MACROD2: variants seen among roughly 807,000 people sequenced by gnomAD.
The protein encoded by MACROD2 is ADP-ribose glycohydrolase MACROD2.
MACROD2 carries 36 observed loss-of-function variants against 70.4 expected under a neutral mutation model. The ratio of observed to expected loss-of-function variants is 0.51; its 90% CI spans 0.39 to 0.68. MACROD2 has a LOEUF of 0.68. MACROD2 is among the 30% of genes least tolerant of loss of function. The pLI is 0.00. For missense variants in MACROD2, 496 were observed against 538.4 expected (o/e 0.92, Z 0.78); for synonymous variants, 172 against 178.8 (o/e 0.96, Z 0.30).
In MACROD2 at chr20:15,266,615, A is replaced by G. The variant is rs546547323; in HGVS notation, c.540+36554A>G. 3.9e-5 allele frequency among the ~76,000 whole-genome samples: 6 copies of G among 152,292 alleles called. No homozygotes were observed. In the East Asian group the frequency reaches 1.2e-3, roughly 29 times the overall value. On this transcript the variant is annotated intron_variant, in intron 6 of 17. Transcript: ENST00000684519. Reference sequence around the variant, plus strand: ...TTCCACTTTTCTTTCTCTCTAAACCATTCTCTGAACCACAAATGTTCCAAA... The same window carrying G: ...TTCCACTTTTCTTTCTCTCTAAACCGTTCTCTGAACCACAAATGTTCCAAA...
intron 2 of MACROD2, among the ~76,000 whole-genome samples, chr20:14,019,756 C>T (rs1311693715): frequency 6.6e-6 from 1 of 151,992 alleles, no homozygotes; most frequent in African/African-American, 2.4e-5. Flanking sequence ...ATGCAAAAGT[C>T]TGAAAAGACA....
At chr20:15,345,627 G>A (rs1427301976) in intron 6 of MACROD2, among the ~76,000 whole-genome samples, 1 of 152,168 alleles carries the variant, frequency 6.6e-6, no homozygotes, top group Non-Finnish European at 1.5e-5. Flanking sequence ...GGAAATATGT[G>A]GCTTTGAGAA....
intron 9 of MACROD2, among the ~76,000 whole-genome samples, chr20:15,873,464 A>G (rs1419425249): frequency 1.3e-5 from 2 of 152,138 alleles, no homozygotes; most frequent in Admixed American, 6.6e-5. Context: ...CCAGTTATTT[A>G]TCTAAATTTC....
At chr20:14,048,565 T>C (rs374407509) in intron 2 of MACROD2, among the ~76,000 whole-genome samples, 10 of 152,156 alleles carry the variant, frequency 6.6e-5, no homozygotes, top group East Asian at 3.8e-4. Context: ...GACCCTAAAG[T>C]TCTATGTGCA....
chr20:14,608,050 C>T (rs1025507452), intron 4 of MACROD2, among the ~76,000 whole-genome samples: 10 of 152,054 alleles, frequency 6.6e-5, no homozygotes, highest in South Asian at 2.1e-4. Flanking sequence ...GTCAGGAGTT[C>T]GACATCAGCC....
At position 15,577,483 on chromosome 20, in the gene MACROD2, G is replaced by A. The variant is rs955762517; in HGVS notation, c.645+77636G>A. On this transcript the variant is annotated intron_variant, in intron 8 of 17. Coordinates refer to ENST00000684519, the MANE Select transcript of MACROD2 (RefSeq NM_001351661.2). Reference sequence around the variant, plus strand: ...AAAACATTAATAACTCCTGTTTATCGTTAAATATTCTGCCAGTACAAGCTT... The same window carrying A: ...AAAACATTAATAACTCCTGTTTATCATTAAATATTCTGCCAGTACAAGCTT... Among the ~76,000 whole-genome samples the A allele has an allele frequency of 7.2e-5, 11 of 152,154 alleles. No individual in the cohort carries two copies. In the East Asian group the frequency reaches 1.2e-3, roughly 16 times the overall value.
chr20:14,778,224 G>C (rs976325003), intron 5 of MACROD2, among the ~76,000 whole-genome samples: 12 of 152,126 alleles, frequency 7.9e-5, no homozygotes, highest in African/African-American at 2.9e-4. Flanking sequence ...TGATTTGGCA[G>C]TAAACAGCAG....
At position 14,250,326 on chromosome 20, in the gene MACROD2, A is replaced by C. The variant is rs2082001677; in HGVS notation, c.271+164598A>C. ...GTATTGTATTTCTCCTCACCTCCCCACCCCCAGCCTGCTCATTTACATTTC... is the reference window on the plus strand; with the variant it reads ...GTATTGTATTTCTCCTCACCTCCCCCCCCCCAGCCTGCTCATTTACATTTC... On this transcript the variant is annotated intron_variant, in intron 3 of 17. Transcript: ENST00000684519. 2.6e-5 allele frequency among the ~76,000 whole-genome samples: 4 copies of C among 151,604 alleles called. No homozygotes were observed. In the South Asian group the frequency reaches 8.4e-4, roughly 32 times the overall value.
intron 5 of MACROD2, among the ~76,000 whole-genome samples, chr20:14,758,465 A>T (rs1360489863): frequency 6.6e-6 from 1 of 152,192 alleles, no homozygotes; most frequent in African/African-American, 2.4e-5. Context: ...AGGCCTGTGA[A>T]TTTGGTAATG....
chr20:15,097,830 G>T (rs1015995332), intron 5 of MACROD2, among the ~76,000 whole-genome samples: 2 of 152,132 alleles, frequency 1.3e-5, no homozygotes, highest in Admixed American at 6.5e-5. Flanking sequence ...TTCTAATGAA[G>T]ATCAATAAAA....
intron 6 of MACROD2, among the ~76,000 whole-genome samples, chr20:15,406,094 GTCCTTTCACTGCCACA>G (rs960865221): frequency 1.3e-5 from 2 of 152,082 alleles, no homozygotes; most frequent in Admixed American, 1.3e-4. Context: ...GCCTTGACAG[GTCCTTTCACTGCCACA>G]TCCTTTCTCC....
At chr20:14,443,859 T>G (rs2084154106) in intron 3 of MACROD2, among the ~76,000 whole-genome samples, 1 of 152,108 alleles carries the variant, frequency 6.6e-6, no homozygotes, top group Non-Finnish European at 1.5e-5. Flanking sequence ...CCTTGCAGGA[T>G]TACTGTCAGG....
At chr20:14,306,267 GT>G (rs1389853170) in intron 3 of MACROD2, among the ~76,000 whole-genome samples, 1 of 151,832 alleles carries the variant, frequency 6.6e-6, no homozygotes, top group Non-Finnish European at 1.5e-5. Context: ...TCTCTCTTAA[GT>G]CTGATTCTAC....
intron 8 of MACROD2, among the ~76,000 whole-genome samples, chr20:15,735,017 G>A (rs1243584629): frequency 3.3e-5 from 5 of 152,134 alleles, no homozygotes; most frequent in Non-Finnish European, 2.9e-5. Context: ...CTGGAGTGCA[G>A]TGGTGCGATC....
At chr20:15,420,987 C>A (rs1722795867) in intron 6 of MACROD2, among the ~76,000 whole-genome samples, 1 of 152,068 alleles carries the variant, frequency 6.6e-6, no homozygotes, top group African/African-American at 2.4e-5. Flanking sequence ...ACTTGAAAGG[C>A]TGAGGTGGGA....
intron 3 of MACROD2, among the ~76,000 whole-genome samples, chr20:14,336,282 C>A (rs1283797407): frequency 2.0e-5 from 3 of 151,212 alleles, no homozygotes; most frequent in Admixed American, 6.6e-5. Context: ...TTAAAATAGC[C>A]TTATTATTAA....
At chr20:15,660,443 G>T (rs751551053) in intron 8 of MACROD2, among the ~76,000 whole-genome samples, 49 of 152,072 alleles carry the variant, frequency 3.2e-4, no homozygotes, top group Middle Eastern at 3.4e-3. Flanking sequence ...GGAAAGCCAC[G>T]TAGTTTTTCA....
chr20:14,478,929 AG>A (rs2084629910), intron 3 of MACROD2, among the ~76,000 whole-genome samples: 1 of 151,516 alleles, frequency 6.6e-6, no homozygotes, highest in Non-Finnish European at 1.5e-5. Context: ...ACATTTTTCT[AG>A]GCTAGGCTTC....
chr20:15,853,895 G>T lies in MACROD2; in HGVS notation c.646-8850G>T, dbSNP rs6110797. On this transcript the variant is annotated intron_variant, in intron 8 of 17. Coordinates refer to ENST00000684519, the MANE Select transcript of MACROD2 (RefSeq NM_001351661.2). The stretch of plus-strand genomic sequence containing the variant: ...CAGAGGTCAATGTCTCCATTTTAGA[G>T]ATGAGCAGACTGAGGCTTACAAAAC... Among the ~76,000 whole-genome samples, 162 of 152,266 alleles carry T rather than the reference G, an allele frequency of 1.1e-3. 2 individuals are homozygous for T. The South Asian group carries it at 0.013, about 12-fold the overall frequency.
Sources: allele counts gnomAD v4.1 joint callset (sites outside exome capture counted in the v4.1 genomes callset), GRCh38; gene constraint gnomAD v4.1.1; transcripts MANE v1.5; gene names NCBI Gene and HGNC (gene_info 2026-07-23, HGNC 2026-07-21).